Variants in SCLT1 observed in about 807,000 individuals in gnomAD.
SCLT1 encodes the protein sodium channel and clathrin linker 1.
Under a neutral mutation model 112.8 loss-of-function variants are expected in SCLT1, and 78 were observed. The observed-to-expected ratio is 0.69, with a 90% CI of 0.58 to 0.83. SCLT1 has a LOEUF of 0.83. SCLT1 is among the 40% of genes least tolerant of loss of function. The pLI is 0.00. For missense variants in SCLT1, 747 were observed against 770.4 expected (o/e 0.97, Z 0.36); for synonymous variants, 257 against 254.7 (o/e 1.01, Z -0.09).
rs746570614 is a variant in SCLT1, at chr4:128,943,206, T to C, written c.1440-18A>G. The C allele has an allele frequency of 6.5e-7, 1 of 1,547,146 alleles. No homozygotes were observed. The highest frequency in any genetic ancestry group is 8.8e-7 in the Non-Finnish European group (1 of 1,131,360). The stretch of plus-strand genomic sequence containing the variant: ...CTGAGGAGCTGATTAAAAAACGAAA[T>C]GAAAAGAATCCTTAAACTTAATGAT... On this transcript the variant is annotated intron_variant, in intron 16 of 20. Transcript: ENST00000281142.
At chr4:129,018,399 A>G (rs745923762) in intron 5 of SCLT1, among the ~76,000 whole-genome samples, 4 of 152,236 alleles carry the variant, frequency 2.6e-5, no homozygotes, top group Non-Finnish European at 5.9e-5. Context: ...AAAAGTATAA[A>G]GAGTTAGTTT....
At chr4:129,028,286 G>C (rs1746327296) in intron 5 of SCLT1, among the ~76,000 whole-genome samples, 1 of 152,096 alleles carries the variant, frequency 6.6e-6, no homozygotes, top group Non-Finnish European at 1.5e-5. Flanking sequence ...ATACTGCAAG[G>C]CTACAGTAAC....
At chr4:129,031,185 C>G (rs1746687074) in intron 5 of SCLT1, among the ~76,000 whole-genome samples, 1 of 152,060 alleles carries the variant, frequency 6.6e-6, no homozygotes, top group South Asian at 2.1e-4. Context: ...TGAAATTCAT[C>G]ACATAAACAG....
At chr4:128,999,136 T>C (rs1239734567) in intron 7 of SCLT1, among the ~76,000 whole-genome samples, 1 of 151,774 alleles carries the variant, frequency 6.6e-6, no homozygotes, top group African/African-American at 2.4e-5. Context: ...ATTCTTGCTT[T>C]GGGTAGAAAA....
intron 2 of SCLT1, among the ~76,000 whole-genome samples, chr4:129,080,408 G>A (rs946304287): frequency 1.3e-5 from 2 of 152,084 alleles, no homozygotes; most frequent in Admixed American, 6.6e-5. Flanking sequence ...TTCTTGCTTG[G>A]AAAGTTTCCT....
At chr4:128,890,991 G>C in intron 19 of SCLT1, 68 bp downstream of exon 19, 2 of 1,109,108 alleles carry the variant, frequency 1.8e-6, no homozygotes, top group Non-Finnish European at 1.4e-6. Flanking sequence ...ATTTGGCTCA[G>C]GTAAAATTCT....
chr4:128,965,124 G>T, intron 11 of SCLT1, 103 bp downstream of exon 11: 1 of 622,518 alleles, frequency 1.6e-6, no homozygotes, highest in Non-Finnish European at 2.8e-6. Flanking sequence ...TTTTGATTTG[G>T]AGTTTATAAA....
chr4:128,958,159 G>A (rs780539964), intron 12 of SCLT1, among the ~76,000 whole-genome samples: 6 of 152,070 alleles, frequency 3.9e-5, no homozygotes, highest in Non-Finnish European at 8.8e-5. Context: ...CATGTAAATG[G>A]CCCTGTGTTC....
At chr4:129,063,774 GTC>G (rs550928017) in intron 2 of SCLT1, among the ~76,000 whole-genome samples, 177 of 152,224 alleles carry the variant, frequency 1.2e-3, no homozygotes, top group African/African-American at 4.2e-3. Context: ...CCTGCTCCTA[GTC>G]TCTCCTAGAC....
chr4:129,029,183 A>T (rs1579768298), intron 5 of SCLT1, among the ~76,000 whole-genome samples: 1 of 152,150 alleles, frequency 6.6e-6, no homozygotes, highest in Admixed American at 6.5e-5. Flanking sequence ...CTGGGTACAT[A>T]CCCAGAGGAT....
At chr4:129,025,951 G>T (rs1033614840) in intron 5 of SCLT1, among the ~76,000 whole-genome samples, 6 of 152,082 alleles carry the variant, frequency 3.9e-5, no homozygotes, top group African/African-American at 1.4e-4. Context: ...AAGAGACAAA[G>T]AAGGCCATTA....
At chr4:129,083,798 T>C (rs1380492644) in intron 1 of SCLT1, among the ~76,000 whole-genome samples, 1 of 152,180 alleles carries the variant, frequency 6.6e-6, no homozygotes, top group East Asian at 1.9e-4. Context: ...TTGCATATAC[T>C]AGAGAAAAAG....
chr4:128,880,999 A>C (rs771343590), downstream of SCLT1, among the ~76,000 whole-genome samples: 1 of 152,168 alleles, frequency 6.6e-6, no homozygotes, highest in Non-Finnish European at 1.5e-5. Context: ...CTTGAGCTAG[A>C]GGGTACCAGT....
intron 17 of SCLT1, among the ~76,000 whole-genome samples, chr4:128,939,802 CTT>C (rs1048023952): frequency 1.3e-5 from 2 of 152,090 alleles, no homozygotes; most frequent in African/African-American, 2.4e-5. Flanking sequence ...ATCTCACTGT[CTT>C]TATCTTTTTG....
chr4:129,082,319 T>C lies in SCLT1; in HGVS notation c.89A>G (p.Tyr30Cys). The stretch of plus-strand genomic sequence containing the variant: ...TAATTTACATACCTGTACAGATGAA[T>C]ATTTGGAAAAACTTTCCATTTGATA... ...RRYQMESFSK[Y>C]SSVQKAVCQG... Residue 30 changes from tyrosine (Y) to cysteine (C), a missense_variant, in exon 2 of 21, where the codon TAT (tyrosine) becomes TGT (cysteine). Physicochemically the swap from Tyr to Cys is radical, Grantham distance 194. Coordinates refer to ENST00000281142, the MANE Select transcript of SCLT1 (RefSeq NM_144643.4). 1 of 1,557,520 alleles carries C rather than the reference T, an allele frequency of 6.4e-7. No individual in the cohort carries two copies. The highest frequency in any genetic ancestry group is 8.8e-7 in the Non-Finnish European group (1 of 1,133,610).
chr4:129,055,932 T>C (rs1321841133), intron 2 of SCLT1, among the ~76,000 whole-genome samples: 3 of 152,102 alleles, frequency 2.0e-5, no homozygotes, highest in Non-Finnish European at 4.4e-5. Flanking sequence ...CCTGGTGGTG[T>C]AGGCAACAAG....
chr4:128,883,822 G>A (rs1396326842), downstream of SCLT1, among the ~76,000 whole-genome samples: 3 of 152,166 alleles, frequency 2.0e-5, no homozygotes, highest in Non-Finnish European at 4.4e-5. Flanking sequence ...GACTTCAATA[G>A]TTCAATGCCA....
chr4:128,955,089 G>A (rs1355564048), intron 13 of SCLT1, among the ~76,000 whole-genome samples: 2 of 152,102 alleles, frequency 1.3e-5, no homozygotes, highest in Non-Finnish European at 2.9e-5. Context: ...TATTGACACT[G>A]ATGGTATATC....
intron 2 of SCLT1, among the ~76,000 whole-genome samples, chr4:129,063,549 G>T (rs1408216462): frequency 6.6e-6 from 1 of 152,166 alleles, no homozygotes; most frequent in African/African-American, 2.4e-5. Context: ...CCCATCTAGG[G>T]GGTGCACATG....
Sources: gnomAD v4.1 joint callset for allele counts (sites outside exome capture counted in the v4.1 genomes callset) on GRCh38, gnomAD v4.1.1 for gene constraint, MANE v1.5 for transcripts, NCBI Gene and HGNC (gene_info 2026-07-23, HGNC 2026-07-21) for gene names.